ADCY3: variants seen among roughly 807,000 people sequenced by gnomAD.
The protein encoded by ADCY3 is adenylate cyclase type 3.
In ADCY3, 70 loss-of-function variants were observed where a neutral mutation model predicts 119.4. The ratio of observed to expected loss-of-function variants is 0.59; its 90% confidence interval spans 0.48 to 0.72. ADCY3 has a LOEUF of 0.72. Among genes scored for constraint, ADCY3 ranks in the 30% least tolerant of loss-of-function variants. The probability of loss-of-function intolerance (pLI) is 0.00; values close to 1 mark genes in which losing one functional copy is unlikely to be tolerated. For synonymous variants in ADCY3, 672 were observed against 621.4 expected (o/e 1.08, Z -1.21); for missense variants, 1,238 against 1,541.6 (o/e 0.80, Z 3.30).
chr2:24,824,594 G>A lies in ADCY3; in HGVS notation c.2578-58C>T, dbSNP rs559625610. 1.3e-4 allele frequency: 213 copies of A among 1,579,398 alleles called. 1 individual carries two copies. Among genetic ancestry groups the A allele is most frequent in the Non-Finnish European group, 1.8e-4 (207 of 1,154,964 alleles). On this transcript the variant is annotated intron_variant, in intron 16 of 21. Transcript: ENST00000679454. Reference sequence around the variant, plus strand: ...TAAGCTGGCCACTGGATAGAAGGATGAAAAACAGGAATGGCCAGGCGTGGC... The same window carrying A: ...TAAGCTGGCCACTGGATAGAAGGATAAAAAACAGGAATGGCCAGGCGTGGC...
At chr2:24,829,639 A>G (rs151295881) in intron 13 of ADCY3, among the ~76,000 whole-genome samples, 7,908 of 150,386 alleles carry the variant, frequency 0.053, 457 homozygotes, top group African/African-American at 0.15. Flanking sequence ...AGCCAGGATG[A>G]TTTCGATCTC....
intron 11 of ADCY3, among the ~76,000 whole-genome samples, chr2:24,833,908 C>G (rs1273272030): frequency 6.6e-6 from 1 of 152,236 alleles, no homozygotes; most frequent in Non-Finnish European, 1.5e-5. Flanking sequence ...CAGCAGGGTT[C>G]CAGACCCCTC....
chr2:24,915,731 C>T (rs193289378), intron 2 of ADCY3, among the ~76,000 whole-genome samples: 100 of 152,116 alleles, frequency 6.6e-4, no homozygotes, highest in African/African-American at 2.3e-3. Flanking sequence ...AGTAGAGATG[C>T]GGTTTCGCCA....
Position 24,826,077 on chromosome 2 carries a change from T to C in ADCY3, c.2545A>G (p.Met849Val). The C allele has an allele frequency of 6.2e-7, 1 of 1,614,036 alleles. No homozygotes were observed. ...GAGAAGTAGTAGAAGCTGAGCATCA[T>C]GAGGAACACCATCACCGTCATAGAG... ...KYSMTVMVFLMMLSFYYFSRH... is the reference protein window; with the variant it reads ...KYSMTVMVFLVMLSFYYFSRH... The change falls in exon 16 of 22, where the codon ATG becomes GTG. Residue 849 changes from methionine to valine, a missense_variant. Around this residue, in one of 7 missense-constraint regions of ADCY3, gnomAD observed 499 missense variants for 571.0 expected, o/e 0.87. Transcript: ENST00000679454.
At chr2:24,821,920 C>A in intron 19 of ADCY3, 1 of 389,992 alleles carries the variant, frequency 2.6e-6, no homozygotes, top group Admixed American at 4.1e-5. Flanking sequence ...TGGGCCTGGT[C>A]CTGGTCCTTA....
intron 2 of ADCY3, among the ~76,000 whole-genome samples, chr2:24,908,805 T>C (rs1207630379): frequency 1.3e-5 from 2 of 152,112 alleles, no homozygotes; most frequent in Non-Finnish European, 2.9e-5. Context: ...TGCTTCCTAA[T>C]GGCCGATCTA....
In ADCY3 at chr2:24,898,868, T is replaced by A. The variant is rs959228888; in HGVS notation, c.675+19445A>T. 2.6e-5 allele frequency among the ~76,000 whole-genome samples: 4 copies of A among 152,086 alleles called. No individual in the cohort carries two copies. Among genetic ancestry groups the A allele is most frequent in the African/African-American group, 9.7e-5 (4 of 41,400 alleles). On this transcript the variant is annotated intron_variant, in intron 2 of 21. Transcript: ENST00000679454. The surrounding 1 kb of genome is among the most constrained non-coding windows in gnomAD (Gnocchi z 4.3). ...GCCTGGGGATAGCTCCAGTTCACAC[T>A]GGAAACCCTTTCACCGCCAGAGAAC...
chr2:24,865,489 CTGTGTGTGTGTGTGTGTGTG>C (rs3222240), intron 3 of ADCY3, among the ~76,000 whole-genome samples: 5 of 140,426 alleles, frequency 3.6e-5, no homozygotes, highest in South Asian at 2.5e-4. Context: ...AGGCTATCAT[CTGTGTGTGTGTGTGTGTGTG>C]TGTGTGTGTG....
intron 2 of ADCY3, among the ~76,000 whole-genome samples, chr2:24,886,477 G>T (rs1159279362): frequency 1.3e-5 from 2 of 152,112 alleles, no homozygotes; most frequent in Non-Finnish European, 2.9e-5. Flanking sequence ...CTTGCAAAGG[G>T]CCAGGTGGGA....
intron 12 of ADCY3, 128 bp from the exon 13 acceptor site, chr2:24,830,953 GTCAC>G: frequency 8.3e-6 from 6 of 721,786 alleles, no homozygotes; most frequent in Non-Finnish European, 1.2e-5. Context: ...CTGCCTGGGA[GTCAC>G]CTGACAGCTG....
intron 2 of ADCY3, among the ~76,000 whole-genome samples, chr2:24,886,961 G>A (rs1297239259): frequency 1.3e-5 from 2 of 152,240 alleles, no homozygotes; most frequent in Non-Finnish European, 2.9e-5. Context: ...GTGACACCCC[G>A]TGGCTCACTC....
chr2:24,870,693 C>T (rs989909172), intron 3 of ADCY3, among the ~76,000 whole-genome samples: 27 of 152,336 alleles, frequency 1.8e-4, no homozygotes, highest in African/African-American at 6.0e-4. Flanking sequence ...ATGACCCTCT[C>T]TGCTGGTGCC....
intron 17 of ADCY3, 107 bp from the exon 18 acceptor site, chr2:24,823,462 G>A (rs1319487781): frequency 2.4e-6 from 3 of 1,233,498 alleles, no homozygotes; most frequent in African/African-American, 1.6e-5. Context: ...TCAGCTTTTT[G>A]GACTCACACA....
In ADCY3 at chr2:24,918,437, G is replaced by A; in HGVS notation, c.551C>T (p.Pro184Leu). ...FFVFSFFITL[P>L]LSLSPIVIIS... ...GATCACGATGGGGCTGAGGCTGAGG[G>A]GCAGCGTGATGAAGAAGGAGAAGAC... Residue 184 changes from proline to leucine, a missense_variant, in exon 2 of 22, where the codon CCC becomes CTC. Around this residue, in one of 7 missense-constraint regions of ADCY3, gnomAD observed 227 missense variants for 249.3 expected, o/e 0.91. Transcript: ENST00000679454. This position sits in a 1 kb window ranked among gnomAD's most constrained non-coding sequence, Gnocchi z 5.4. The A allele has an allele frequency of 6.2e-7, 1 of 1,614,010 alleles. No homozygotes were observed.
rs1282605387 is a variant in ADCY3, at chr2:24,831,930, A to T, written c.1968-181T>A. ...GGACAGGGGCCAGGGGACAGCGGAC[A>T]GTGGCCAGGGGACAGCAGACAGGGG... On this transcript the variant is annotated intron_variant, in intron 11 of 21. Transcript: ENST00000679454. 1.2e-4 allele frequency among the ~76,000 whole-genome samples: 6 copies of T among 52,016 alleles called. No homozygotes were observed. In the Admixed American group the frequency reaches 1.5e-3, roughly 13 times the overall value. 34.1% of individuals were successfully genotyped at this position (52,016 alleles called of 152,430 possible). A position where few individuals can be genotyped will look rare whatever the true frequency, so the allele number is the denominator to read the frequency against.
intron 20 of ADCY3, chr2:24,821,234 T>C: frequency 2.2e-6 from 1 of 456,302 alleles, no homozygotes; most frequent in Non-Finnish European, 3.9e-6. Flanking sequence ...CAGCAACCCC[T>C]CTGGAAATGG....
At chr2:24,902,374 C>T (rs924093175) in intron 2 of ADCY3, among the ~76,000 whole-genome samples, 5 of 152,110 alleles carry the variant, frequency 3.3e-5, no homozygotes, top group African/African-American at 1.2e-4. Context: ...AGCCACCTTG[C>T]CCAGCCTTAG....
rs1042866446 is a variant in ADCY3 at position 24,830,932 on chromosome 2, C to G, written c.2056-107G>C. 1.6e-5 allele frequency: 14 copies of G among 855,612 alleles called. No homozygotes were observed. In the African/African-American group the frequency reaches 2.4e-4, roughly 14 times the overall value. 53.0% of individuals were successfully genotyped at this position (855,612 alleles called of 1,614,324 possible). On this transcript the variant is annotated intron_variant, in intron 12 of 21. Transcript: ENST00000679454. Reference sequence around the variant, plus strand: ...TCCCGTATTCCAGTCCCAGGAGCCTCAAAACGGACTCTGCCTGGGAGTCAC... The same window carrying G: ...TCCCGTATTCCAGTCCCAGGAGCCTGAAAACGGACTCTGCCTGGGAGTCAC...
chr2:24,820,569 C>T (rs1667471308), intron 21 of ADCY3, 155 bp downstream of exon 21: 1 of 1,441,136 alleles, frequency 6.9e-7, no homozygotes, highest in Non-Finnish European at 9.2e-7. Context: ...CTGAGGCTAG[C>T]TATTGCAGAG....
Sources: allele counts gnomAD v4.1 joint callset (sites outside exome capture counted in the v4.1 genomes callset), GRCh38; gene constraint gnomAD v4.1.1; regional missense constraint gnomAD v4.1.1; non-coding constraint Gnocchi (gnomAD v3.1); transcripts MANE v1.5; gene names NCBI Gene and HGNC (gene_info 2026-07-23, HGNC 2026-07-21).